The following MGAT4C variants were observed in gnomAD, a reference collection of about 807,000 sequenced individuals.
MGAT4C encodes alpha-1,3-mannosyl-glycoprotein 4-beta-N-acetylglucosaminyltransferase C.
A neutral mutation model predicts 40.1 loss-of-function variants in MGAT4C; 19 were observed. That is an observed-to-expected ratio of 0.47 (90% CI 0.33 to 0.70). MGAT4C has a LOEUF of 0.70. Among genes scored for constraint, MGAT4C ranks in the 30% least tolerant of loss-of-function variants. MGAT4C has a pLI of 0.02. For synonymous variants in MGAT4C, 181 were observed against 187.1 expected (o/e 0.97, Z 0.27); for missense variants, 491 against 563.2 (o/e 0.87, Z 1.30).
chr12:86,134,036 T>C (rs2135718883), intron 1 of MGAT4C, among the ~76,000 whole-genome samples: 1 of 152,232 alleles, frequency 6.6e-6, no homozygotes, highest in Non-Finnish European at 1.5e-5. Flanking sequence ...TTATTTTTCT[T>C]GAATTCAAGA....
At chr12:86,765,660 C>A (rs1482909639) in intron 1 of MGAT4C, among the ~76,000 whole-genome samples, 1 of 152,152 alleles carries the variant, frequency 6.6e-6, no homozygotes, top group Non-Finnish European at 1.5e-5. Flanking sequence ...AGACTAACAG[C>A]GGATCTCTCG....
chr12:86,335,638 C>G (rs1954768738), intron 3 of MGAT4C, among the ~76,000 whole-genome samples: 1 of 152,054 alleles, frequency 6.6e-6, no homozygotes, highest in South Asian at 2.1e-4. Flanking sequence ...CATCCAGAGG[C>G]AAAACTCTTT....
chr12:86,172,834 A>G (rs553291720), intron 1 of MGAT4C, among the ~76,000 whole-genome samples: 2 of 152,230 alleles, frequency 1.3e-5, no homozygotes, highest in South Asian at 2.1e-4. Flanking sequence ...CCCAAACCCA[A>G]GTATTCTGAG....
Position 86,121,114 on chromosome 12 carries a change from G to T in MGAT4C, c.-56-71391C>A, listed in dbSNP as rs1879307574. 2.0e-5 allele frequency among the ~76,000 whole-genome samples: 3 copies of T among 152,178 alleles called. No individual in the cohort carries two copies. In the South Asian group the frequency reaches 6.2e-4, roughly 31 times the overall value. ...CGTGACGCATGCACAAGCTTCAGTAGCTGATTCAATCAAATGGAAGAAAGA... is the reference window on the plus strand; with the variant it reads ...CGTGACGCATGCACAAGCTTCAGTATCTGATTCAATCAAATGGAAGAAAGA... On this transcript the variant is annotated intron_variant, in intron 1 of 4. Coordinates refer to ENST00000611864, the MANE Select transcript of MGAT4C (RefSeq NM_001351288.2).
chr12:86,386,398 A>G (rs1956052607), intron 3 of MGAT4C, among the ~76,000 whole-genome samples: 1 of 152,090 alleles, frequency 6.6e-6, no homozygotes, highest in Admixed American at 6.6e-5. Context: ...CCTGCCTCTG[A>G]TTTCTATGTT....
intron 2 of MGAT4C, among the ~76,000 whole-genome samples, chr12:86,556,224 A>C (rs1959603454): frequency 6.6e-6 from 1 of 152,200 alleles, no homozygotes; most frequent in Non-Finnish European, 1.5e-5. Context: ...GGTAAATATA[A>C]GTAATGTATA....
chr12:86,346,954 A>G (rs1018153330), intron 3 of MGAT4C, among the ~76,000 whole-genome samples: 7 of 152,156 alleles, frequency 4.6e-5, no homozygotes, highest in Admixed American at 1.3e-4. Context: ...CTTGAACATT[A>G]GACTCCAATT....
chr12:85,998,055 C>A (rs975573863), intron 2 of MGAT4C, among the ~76,000 whole-genome samples: 2 of 152,252 alleles, frequency 1.3e-5, no homozygotes, highest in African/African-American at 4.8e-5. Context: ...CCTCTGAAAT[C>A]TATGCAGAGG....
intron 2 of MGAT4C, among the ~76,000 whole-genome samples, chr12:86,633,714 T>C (rs1346619041): frequency 6.6e-6 from 1 of 152,090 alleles, no homozygotes; most frequent in Non-Finnish European, 1.5e-5. Context: ...GCCATTCTTA[T>C]TGCACTTACG....
rs1345877602 is a variant in MGAT4C, at chr12:85,978,788, A to T, written c.*501T>A. The T allele has an allele frequency of 6.6e-6, 1 of 151,774 alleles. No individual in the cohort carries two copies. Among genetic ancestry groups the T allele is most frequent in the Non-Finnish European group, 1.5e-5 (1 of 67,772 alleles). The allele number at this position is 151,774 out of a possible 1,614,324, so 9.4% of individuals were successfully genotyped here. On this transcript the variant is annotated 3_prime_UTR_variant, in exon 5 of 5. Coordinates refer to ENST00000611864, the MANE Select transcript of MGAT4C (RefSeq NM_001351288.2). The stretch of plus-strand genomic sequence containing the variant: ...ATGTAAAGACACCACTTCTATGAGG[A>T]GGTATTCATTGTAGATGTACAGAAG...
chr12:86,343,074 G>C (rs182265688), intron 3 of MGAT4C, among the ~76,000 whole-genome samples: 281 of 152,216 alleles, frequency 1.8e-3, no homozygotes, highest in Non-Finnish European at 2.2e-3. Flanking sequence ...TAACGACTCA[G>C]GATTCTTGCT....
chr12:86,567,750 T>G (rs1382686143), intron 2 of MGAT4C, among the ~76,000 whole-genome samples: 1 of 152,226 alleles, frequency 6.6e-6, no homozygotes, highest in East Asian at 1.9e-4. Flanking sequence ...ACGTGACCAG[T>G]TGCAGAAATG....
intron 4 of MGAT4C, among the ~76,000 whole-genome samples, chr12:86,306,234 T>C (rs1181186251): frequency 6.7e-6 from 1 of 150,292 alleles, no homozygotes; most frequent in South Asian, 2.1e-4. Context: ...AACAGAAACA[T>C]AGGTCTACAC....
chr12:85,995,490 G>A (rs1886506248), intron 2 of MGAT4C, among the ~76,000 whole-genome samples: 1 of 152,142 alleles, frequency 6.6e-6, no homozygotes. Context: ...CAGTGTTGGA[G>A]ATAGTTTGTG....
At chr12:86,605,725 G>T (rs534259842) in intron 2 of MGAT4C, among the ~76,000 whole-genome samples, 4 of 152,204 alleles carry the variant, frequency 2.6e-5, no homozygotes, top group East Asian at 1.9e-4. Flanking sequence ...AAACTGTGTA[G>T]CATTCCATTC....
rs183733872 is a variant in MGAT4C at position 86,388,157 on chromosome 12, A to T, written c.-120+47000T>A. On this transcript the variant is annotated intron_variant, in intron 3 of 7. Coordinates refer to the MGAT4C transcript ENST00000548651. The stretch of plus-strand genomic sequence containing the variant: ...AGACTATAATGATAATATATTATTA[A>T]TAGAATAGAGTTCTCATTCTATCAG... 5.3e-3 allele frequency among the ~76,000 whole-genome samples: 803 copies of T among 152,272 alleles called. 7 individuals carry two copies. The highest frequency in any genetic ancestry group is 0.019 in the African/African-American group (771 of 41,576).
At position 86,033,645 on chromosome 12, in the gene MGAT4C, T is replaced by A. The variant is rs142219086; in HGVS notation, c.-7+16029A>T. 8.0e-3 allele frequency among the ~76,000 whole-genome samples: 1,198 copies of A among 149,552 alleles called. 103 individuals are homozygous for A. Among genetic ancestry groups the A allele is most frequent in the Non-Finnish European group, 0.012 (827 of 66,580 alleles). On this transcript the variant is annotated intron_variant, in intron 2 of 4. Transcript: ENST00000611864. Reference sequence around the variant, plus strand: ...TGAAGTTGTTTATCAGATCAAAGAGTTTTGGGGAAGAGACTATGGGGTTTT... The same window carrying A: ...TGAAGTTGTTTATCAGATCAAAGAGATTTGGGGAAGAGACTATGGGGTTTT...
intron 3 of MGAT4C, among the ~76,000 whole-genome samples, chr12:86,341,125 C>A (rs1954896925): frequency 6.6e-6 from 1 of 152,128 alleles, no homozygotes; most frequent in African/African-American, 2.4e-5. Context: ...ATCACAGAAA[C>A]AACTTGACCC....
At chr12:86,357,960 A>T (rs916391651) in intron 3 of MGAT4C, among the ~76,000 whole-genome samples, 1 of 152,178 alleles carries the variant, frequency 6.6e-6, no homozygotes, top group African/African-American at 2.4e-5. Flanking sequence ...CAACATTCAA[A>T]TTCAGGAAAT....
Sources: gnomAD v4.1 joint callset for allele counts (sites outside exome capture counted in the v4.1 genomes callset) on GRCh38, gnomAD v4.1.1 for gene constraint, MANE v1.5 for transcripts, NCBI Gene and HGNC (gene_info 2026-07-23, HGNC 2026-07-21) for gene names.